CCDC7: variants seen among roughly 807,000 people sequenced by gnomAD.
The protein encoded by CCDC7 is coiled-coil domain-containing protein 7.
In CCDC7, 183 loss-of-function variants were observed where a neutral mutation model predicts 196.9. The ratio of observed to expected loss-of-function variants is 0.93; its 90% CI spans 0.82 to 1.05. The LOEUF (loss-of-function observed/expected upper bound fraction) is 1.05, where lower values mean the gene tolerates loss of function less well. CCDC7 is among the 50% of genes least tolerant of loss of function. The pLI is 0.00. For missense variants in CCDC7, 1,540 were observed against 1,482.2 expected (o/e 1.04, Z -0.64); for synonymous variants, 525 against 484.6 (o/e 1.08, Z -1.10).
At chr10:32,613,089 C>G (rs368117506) in intron 18 of CCDC7, among the ~76,000 whole-genome samples, 4 of 152,044 alleles carry the variant, frequency 2.6e-5, no homozygotes, top group African/African-American at 9.7e-5. Context: ...ATTACTGCCT[C>G]AATTTCAGAA....
At chr10:32,564,652 G>A (rs2056449990) in intron 13 of CCDC7, among the ~76,000 whole-genome samples, 1 of 151,916 alleles carries the variant, frequency 6.6e-6, no homozygotes, top group Non-Finnish European at 1.5e-5. Flanking sequence ...GGACTGTTGT[G>A]GGGTGGGGGG....
chr10:32,810,694 T>G (rs533158789), intron 30 of CCDC7, among the ~76,000 whole-genome samples: 2 of 152,238 alleles, frequency 1.3e-5, no homozygotes, highest in South Asian at 4.1e-4. Context: ...AAGTATTTTC[T>G]TCAGTAACTG....
chr10:32,558,722 A>G (rs2054786915), intron 13 of CCDC7, among the ~76,000 whole-genome samples: 1 of 152,238 alleles, frequency 6.6e-6, no homozygotes, highest in African/African-American at 2.4e-5. Context: ...TCCGGTCTAC[A>G]GCTCCCAGCG....
intron 40 of CCDC7, among the ~76,000 whole-genome samples, chr10:32,852,574 C>G (rs530564377): frequency 6.6e-6 from 1 of 152,206 alleles, no homozygotes; most frequent in African/African-American, 2.4e-5. Context: ...CCTCCACCTT[C>G]TGGGTTCTCC....
chr10:32,603,933 G>A (rs191342907), intron 18 of CCDC7, among the ~76,000 whole-genome samples: 150 of 152,088 alleles, frequency 9.9e-4, no homozygotes, highest in African/African-American at 3.2e-3. Context: ...CTTCTGCTGG[G>A]CAGAAGCTTT....
At chr10:32,532,755 A>C (rs1027340015) in intron 11 of CCDC7, among the ~76,000 whole-genome samples, 5 of 151,848 alleles carry the variant, frequency 3.3e-5, no homozygotes, top group African/African-American at 1.2e-4. Flanking sequence ...GCAATCTTAG[A>C]TTTATAGTCT....
At chr10:32,780,140 G>C (rs1432335016) in intron 29 of CCDC7, among the ~76,000 whole-genome samples, 1 of 152,196 alleles carries the variant, frequency 6.6e-6, no homozygotes, top group Non-Finnish European at 1.5e-5. Context: ...AGGAGGCTGA[G>C]GCAGGGGAAT....
intron 21 of CCDC7, chr10:32,675,883 A>G (rs1205391162): frequency 6.6e-6 from 1 of 151,948 alleles, no homozygotes; most frequent in Non-Finnish European, 1.5e-5. Flanking sequence ...GGAAAAAACT[A>G]CTTTAAAGTT....
chr10:32,498,154 T>G (rs893602360), intron 9 of CCDC7, among the ~76,000 whole-genome samples: 2 of 152,164 alleles, frequency 1.3e-5, no homozygotes, highest in Non-Finnish European at 2.9e-5. Flanking sequence ...GTAATGCCCT[T>G]TTCTCTTTTG....
intron 18 of CCDC7, among the ~76,000 whole-genome samples, chr10:32,621,849 G>A (rs895721627): frequency 2.6e-5 from 4 of 152,098 alleles, no homozygotes; most frequent in Admixed American, 1.3e-4. Flanking sequence ...TGGTAAGGGT[G>A]GATCTTCTTT....
chr10:32,803,846 C>A (rs1414288520), intron 29 of CCDC7, among the ~76,000 whole-genome samples: 2 of 151,788 alleles, frequency 1.3e-5, no homozygotes, highest in Non-Finnish European at 2.9e-5. Flanking sequence ...TTTTTATATT[C>A]GTCTTTTCAT....
chr10:32,562,098 C>A (rs1160969700), intron 13 of CCDC7, among the ~76,000 whole-genome samples: 1 of 152,108 alleles, frequency 6.6e-6, no homozygotes, highest in Non-Finnish European at 1.5e-5. Flanking sequence ...AAGACTAAAC[C>A]AGGAAGAAGT....
upstream of CCDC7, among the ~76,000 whole-genome samples, chr10:32,448,824 T>A (rs2133279723): frequency 6.6e-6 from 1 of 152,204 alleles, no homozygotes; most frequent in Admixed American, 6.5e-5. Flanking sequence ...ATTATTTATA[T>A]TTTTTTCAAA....
intron 21 of CCDC7, among the ~76,000 whole-genome samples, chr10:32,671,599 C>A (rs1295493689): frequency 6.6e-6 from 1 of 152,176 alleles, no homozygotes; most frequent in African/African-American, 2.4e-5. Context: ...TTGGGATCAG[C>A]TTCAGGAGAT....
chr10:32,684,858 T>A (rs1367398011), intron 21 of CCDC7, among the ~76,000 whole-genome samples: 1 of 152,232 alleles, frequency 6.6e-6, no homozygotes, highest in Non-Finnish European at 1.5e-5. Flanking sequence ...ATGTTAAATA[T>A]CGTATTGATG....
chr10:32,738,439 A>C (rs957729556), intron 28 of CCDC7, among the ~76,000 whole-genome samples: 1 of 150,990 alleles, frequency 6.6e-6, no homozygotes, highest in Non-Finnish European at 1.5e-5. Flanking sequence ...TGTTAGATCA[A>C]TTAAGAGAAA....
At chr10:32,569,800 C>T (rs12414582) in intron 15 of CCDC7, among the ~76,000 whole-genome samples, 52,410 of 151,958 alleles carry the variant, frequency 0.34, 11,459 homozygotes, top group Non-Finnish European at 0.5. Context: ...TTTTTTAATA[C>T]TTTTGTATTA....
chr10:32,724,935 G>A (rs138926744), intron 25 of CCDC7, among the ~76,000 whole-genome samples: 1 of 152,200 alleles, frequency 6.6e-6, no homozygotes, highest in East Asian at 1.9e-4. Flanking sequence ...ATAACTGCCA[G>A]ATAAAACCTT....
At chr10:32,730,301 T>C (rs2132741199) in intron 28 of CCDC7, among the ~76,000 whole-genome samples, 1 of 152,316 alleles carries the variant, frequency 6.6e-6, no homozygotes, top group Admixed American at 6.5e-5. Flanking sequence ...TTATCTCTTA[T>C]AACCATATAT....
Sources: gnomAD v4.1 joint callset for allele counts (sites outside exome capture counted in the v4.1 genomes callset) on GRCh38, gnomAD v4.1.1 for gene constraint, MANE v1.5 for transcripts, NCBI Gene and HGNC (gene_info 2026-07-23, HGNC 2026-07-21) for gene names.